SCUBE2: variants seen among roughly 807,000 people sequenced by gnomAD.
SCUBE2 encodes signal peptide, CUB domain and EGF like domain containing 2, also known as signal peptide, CUB and EGF-like domain-containing protein 2.
SCUBE2 carries 114 observed loss-of-function variants against 125.9 expected under a neutral mutation model. The ratio of observed to expected loss-of-function variants is 0.91; its 90% CI spans 0.78 to 1.06. The LOEUF (loss-of-function observed/expected upper bound fraction) is 1.06. SCUBE2 is among the 50% of genes least tolerant of loss of function. The pLI, the probability that SCUBE2 is intolerant of heterozygous loss-of-function variation, is 0.00. For synonymous variants in SCUBE2, 459 were observed against 492.9 expected (o/e 0.93, Z 0.91); for missense variants, 1,255 against 1,301.8 (o/e 0.96, Z 0.55).
intron 4 of SCUBE2, among the ~76,000 whole-genome samples, 191 bp downstream of exon 4, chr11:9,074,290 T>C (rs773635590): frequency 6.6e-6 from 1 of 152,190 alleles, no homozygotes; most frequent in Non-Finnish European, 1.5e-5. Flanking sequence ...GTGCAACTAT[T>C]TTGCCAGGTG....
At position 9,069,569 on chromosome 11, in the gene SCUBE2, C is replaced by T. The variant is rs1299219658; in HGVS notation, c.518-74G>A. ...TGAGCCCTGGGAGAGCGGCAAAGGG[C>T]TAAGGGGTGGCCCACAGATCTGTCT... On this transcript the variant is annotated intron_variant, in intron 4 of 22. Coordinates refer to ENST00000649792, the MANE Select transcript of SCUBE2 (RefSeq NM_001367977.2). The T allele has an allele frequency of 5.0e-6, 8 of 1,589,784 alleles. No homozygotes were observed. In the African/African-American group the frequency reaches 5.4e-5, roughly 11 times the overall value.
Position 9,027,577 on chromosome 11 carries a change from C to A in SCUBE2, c.2504-16G>T, listed in dbSNP as rs72549208. ...CATCTTCTGTCTGAAAAAGGAGATG[C>A]CCCGAGTTATGGCACGACACTGTCA... On this transcript the variant is annotated splice_polypyrimidine_tract_variant and intron_variant, in intron 19 of 22. Coordinates refer to ENST00000649792, the MANE Select transcript of SCUBE2 (RefSeq NM_001367977.2). The A allele has an allele frequency of 6.2e-7, 1 of 1,606,114 alleles. No homozygotes were observed. The highest frequency in any genetic ancestry group is 1.3e-5 in the African/African-American group (1 of 74,786).
chr11:9,070,602 G>A (rs760409435), intron 4 of SCUBE2, among the ~76,000 whole-genome samples: 40 of 152,136 alleles, frequency 2.6e-4, no homozygotes, highest in Non-Finnish European at 5.4e-4. Context: ...TACTAGTAGG[G>A]CACTGTTTTC....
chr11:9,059,645 G>A (rs757789931), intron 8 of SCUBE2: 4 of 554,786 alleles, frequency 7.2e-6, no homozygotes, highest in Non-Finnish European at 9.3e-6. Flanking sequence ...TGAGAACGCT[G>A]ACTTATGATG....
chr11:9,078,993 A>G (rs1861420312), intron 3 of SCUBE2, among the ~76,000 whole-genome samples: 1 of 152,154 alleles, frequency 6.6e-6, no homozygotes, highest in Non-Finnish European at 1.5e-5. Context: ...GCTGGCTGTA[A>G]CCCCAGCACA....
chr11:9,032,589 A>G (rs2135168624), intron 17 of SCUBE2, among the ~76,000 whole-genome samples: 1 of 152,292 alleles, frequency 6.6e-6, no homozygotes, highest in South Asian at 2.1e-4. Context: ...AAAATTTAGC[A>G]GGGCATGGTG....
chr11:9,086,041 C>T (rs1862038999), intron 2 of SCUBE2, among the ~76,000 whole-genome samples: 1 of 152,022 alleles, frequency 6.6e-6, no homozygotes, highest in Non-Finnish European at 1.5e-5. Flanking sequence ...ACTATGTTGC[C>T]CAGGCTGGTC....
intron 20 of SCUBE2, 194 bp from the exon 21 acceptor site, chr11:9,026,048 G>A: frequency 1.8e-6 from 1 of 564,188 alleles, no homozygotes; most frequent in Non-Finnish European, 3.0e-6. Context: ...GACCCCCAGG[G>A]GAGGCTACAC....
At chr11:9,032,126 C>A (rs1213835643) in intron 17 of SCUBE2, among the ~76,000 whole-genome samples, 1 of 151,384 alleles carries the variant, frequency 6.6e-6, no homozygotes, top group Non-Finnish European at 1.5e-5. Flanking sequence ...TTATTGCTGT[C>A]ATTTTTTTTT....
chr11:9,033,593 G>A, intron 17 of SCUBE2, 33 bp downstream of exon 17: 1 of 1,601,462 alleles, frequency 6.2e-7, no homozygotes, highest in Non-Finnish European at 8.5e-7. Flanking sequence ...ATCAGAGATG[G>A]GAGGAGTAGG....
chr11:9,089,091 A>G (rs1047015510), intron 2 of SCUBE2, among the ~76,000 whole-genome samples: 1 of 152,222 alleles, frequency 6.6e-6, no homozygotes, highest in Admixed American at 6.5e-5. Flanking sequence ...TCTAGTCCAG[A>G]TTATAAAATG....
In SCUBE2 at chr11:9,055,872, G is replaced by A. The variant is rs1859029159; in HGVS notation, c.1128C>T (p.His376=). The change falls in exon 10 of 23, where the codon CAC becomes CAT. Residue 376 remains histidine (H), a synonymous_variant. Coordinates refer to ENST00000649792, the MANE Select transcript of SCUBE2 (RefSeq NM_001367977.2). The stretch of plus-strand genomic sequence containing the variant: ...ATGTGCCAGGGTGGTTGATGCAGCT[G>A]TGGTCACAGGTCCTATCCAAAGAGC... The part of the protein sequence containing the change: ...DECSLDRTCD[H]SCINHPGTFA... The A allele has an allele frequency of 1.2e-6, 2 of 1,614,218 alleles. 1 individual carries two copies.
chr11:9,027,996 A>AT (rs1566163464), intron 19 of SCUBE2, among the ~76,000 whole-genome samples: 1 of 152,120 alleles, frequency 6.6e-6, no homozygotes, highest in East Asian at 1.9e-4. Flanking sequence ...ACAGACATAT[A>AT]TTTTTCACTT....
intron 18 of SCUBE2, chr11:9,030,256 T>C (rs947274026): frequency 1.7e-5 from 10 of 589,018 alleles, no homozygotes; most frequent in Non-Finnish European, 2.7e-5. Context: ...GAACAAGATA[T>C]GTGTGTATCT....
chr11:9,025,210 G>C (rs1464434243), intron 21 of SCUBE2, among the ~76,000 whole-genome samples: 1 of 152,152 alleles, frequency 6.6e-6, no homozygotes, highest in African/African-American at 2.4e-5. Context: ...AAAAAGCCAG[G>C]ACCAGAACTA....
rs1136966 is a variant in SCUBE2 at position 9,020,784 on chromosome 11, G to A, written c.*261C>T. The A allele has an allele frequency of 2.0e-5, 6 of 300,174 alleles. No individual in the cohort carries two copies. The highest frequency in any genetic ancestry group is 3.7e-5 in the Non-Finnish European group (6 of 164,132). 18.6% of individuals were successfully genotyped at this position (300,174 alleles called of 1,614,324 possible). On this transcript the variant is annotated 3_prime_UTR_variant, in exon 23 of 23. Transcript: ENST00000649792. Reference sequence around the variant, plus strand: ...GACCAAAGTCCAGCTCAGCCAGCCCGTGATCTATCCAAGACATCCGCCCAC... The same window carrying A: ...GACCAAAGTCCAGCTCAGCCAGCCCATGATCTATCCAAGACATCCGCCCAC...
rs58572754 is a variant in SCUBE2 at position 9,046,001 on chromosome 11, C to CTT, written c.2002+1353_2002+1354dup. ...AACCCTCTACTGAGTGTCTTTCTTTCTTTTTTTTTTTTTTTTTTTTTTTGA... is the reference window on the plus strand; with the variant it reads ...AACCCTCTACTGAGTGTCTTTCTTTCTTTTTTTTTTTTTTTTTTTTTTTTTGA... On this transcript the variant is annotated intron_variant, in intron 16 of 22. Transcript: ENST00000649792. Among the ~76,000 whole-genome samples the CTT allele has an allele frequency of 6.5e-3, 597 of 92,004 alleles. 4 individuals carry two copies. The highest frequency in any genetic ancestry group is 8.6e-3 in the Non-Finnish European group (394 of 45,716). The allele number at this position is 92,004 out of a possible 152,430, so 60.4% of individuals were successfully genotyped here.
chr11:9,090,950 T>A (rs141223589), intron 1 of SCUBE2, among the ~76,000 whole-genome samples: 120 of 152,252 alleles, frequency 7.9e-4, no homozygotes, highest in African/African-American at 2.7e-3. Flanking sequence ...GAAAAGTCTC[T>A]GGAGCCCACC....
At chr11:9,082,005 AT>A (rs1056972190) in intron 2 of SCUBE2, among the ~76,000 whole-genome samples, 1 of 152,202 alleles carries the variant, frequency 6.6e-6, no homozygotes, top group African/African-American at 2.4e-5. Context: ...ATTATTTTCT[AT>A]TTTTTTGATA....
Sources: gnomAD v4.1 joint callset for allele counts (sites outside exome capture counted in the v4.1 genomes callset) on GRCh38, gnomAD v4.1.1 for gene constraint, MANE v1.5 for transcripts, NCBI Gene and HGNC (gene_info 2026-07-23, HGNC 2026-07-21) for gene names.